The following NOX4 variants were observed in gnomAD, a reference collection of about 807,000 sequenced individuals.
NOX4 encodes NADPH oxidase 4.
A neutral mutation model predicts 87.6 loss-of-function variants in NOX4; 69 were observed. The observed-to-expected ratio is 0.79, with a 90% CI of 0.65 to 0.96. The LOEUF (loss-of-function observed/expected upper bound fraction) is 0.96, where lower values mean the gene tolerates loss of function less well. Among genes scored for constraint, NOX4 ranks in the 40% least tolerant of loss-of-function variants. NOX4 has a pLI of 0.00. For missense variants in NOX4, 680 were observed against 681.5 expected (o/e 1.00, Z 0.02); for synonymous variants, 275 against 238.2 (o/e 1.15, Z -1.42).
chr11:89,572,039 G>A, the NOX4 span, among the ~76,000 whole-genome samples: 7 of 152,066 alleles, frequency 4.6e-5, no homozygotes, highest in Non-Finnish European at 8.8e-5. Flanking sequence ...TTTTGCCTCC[G>A]CCCCCCTCAA....
intron 8 of NOX4, among the ~76,000 whole-genome samples, chr11:89,402,977 G>C (rs544163014): frequency 1.7e-4 from 26 of 152,264 alleles, no homozygotes; most frequent in African/African-American, 6.0e-4. Flanking sequence ...GCCAAGCCTG[G>C]ATAAAACAAG....
chr11:89,455,321 A>T (rs770219601), intron 2 of NOX4, among the ~76,000 whole-genome samples: 7 of 152,124 alleles, frequency 4.6e-5, no homozygotes, highest in Non-Finnish European at 8.8e-5. Context: ...GGAGAAGCAG[A>T]AGCCCCAAAG....
At chr11:89,556,548 G>T in the NOX4 span, among the ~76,000 whole-genome samples, 2 of 151,692 alleles carry the variant, frequency 1.3e-5, no homozygotes, top group African/African-American at 4.8e-5. Flanking sequence ...AGGGAGGGGA[G>T]GGGAGGGGGA....
At chr11:89,398,236 T>C (rs573597740) in intron 11 of NOX4, among the ~76,000 whole-genome samples, 240 of 152,196 alleles carry the variant, frequency 1.6e-3, no homozygotes, top group African/African-American at 5.5e-3. Context: ...TCTCAATAGA[T>C]GCAGAAAAGG....
intron 8 of NOX4, among the ~76,000 whole-genome samples, chr11:89,412,266 C>G (rs990746588): frequency 2.0e-5 from 3 of 152,110 alleles, no homozygotes; most frequent in Non-Finnish European, 4.4e-5. Context: ...ATCTTTCAGA[C>G]AGAAAATCAA....
chr11:89,517,490 CAG>C, the NOX4 span, among the ~76,000 whole-genome samples: 1 of 151,826 alleles, frequency 6.6e-6, no homozygotes, highest in Admixed American at 6.6e-5. Flanking sequence ...TTTTTAGAGA[CAG>C]GGTCTTGCTG....
upstream of NOX4, chr11:89,491,409 G>A (rs1184987900): frequency 6.4e-6 from 4 of 629,756 alleles, no homozygotes; most frequent in South Asian, 8.9e-5. Flanking sequence ...AGCCAGCCCG[G>A]GCGGGGTCTG....
intron 11 of NOX4, among the ~76,000 whole-genome samples, chr11:89,378,353 C>T (rs1206341550): frequency 6.6e-6 from 1 of 152,144 alleles, no homozygotes; most frequent in East Asian, 1.9e-4. Context: ...ATCCCAGTAA[C>T]TGTTCAAGGC....
chr11:89,482,304 T>C (rs1303245798), intron 2 of NOX4, among the ~76,000 whole-genome samples: 3 of 152,034 alleles, frequency 2.0e-5, no homozygotes, highest in African/African-American at 7.2e-5. Context: ...TTTCTCAAAA[T>C]GCATGCTTAG....
intron 4 of NOX4, among the ~76,000 whole-genome samples, chr11:89,447,370 T>C (rs1364810239): frequency 6.6e-6 from 1 of 152,118 alleles, no homozygotes; most frequent in South Asian, 2.1e-4. Flanking sequence ...AATTTGTAGG[T>C]AACAGCTATA....
intron 2 of NOX4, among the ~76,000 whole-genome samples, chr11:89,455,503 T>A (rs1376929365): frequency 6.6e-6 from 1 of 152,096 alleles, no homozygotes; most frequent in African/African-American, 2.4e-5. Context: ...CTTTGTTGAA[T>A]TGAGCTGAAT....
intron 7 of NOX4, among the ~76,000 whole-genome samples, chr11:89,423,787 G>A (rs1219405565): frequency 2.0e-5 from 3 of 151,996 alleles, no homozygotes; most frequent in Non-Finnish European, 4.4e-5. Flanking sequence ...AGGCATGGTG[G>A]CTAATGCCTG....
At chr11:89,372,009 A>G (rs1939482828) in intron 12 of NOX4, among the ~76,000 whole-genome samples, 1 of 151,804 alleles carries the variant, frequency 6.6e-6, no homozygotes, top group Admixed American at 6.6e-5. Flanking sequence ...TTTTAACTCT[A>G]TGAAATAACC....
intron 8 of NOX4, among the ~76,000 whole-genome samples, chr11:89,410,785 G>C (rs1329588401): frequency 6.6e-6 from 1 of 152,200 alleles, no homozygotes; most frequent in East Asian, 1.9e-4. Context: ...AAACTTGAAA[G>C]GCAGTCTAGG....
the NOX4 span, among the ~76,000 whole-genome samples, chr11:89,529,522 C>A: frequency 6.6e-6 from 1 of 151,974 alleles, no homozygotes; most frequent in Non-Finnish European, 1.5e-5. Flanking sequence ...CCTAGACAGC[C>A]CTAAAGCCAA....
chr11:89,526,913 G>C, the NOX4 span, among the ~76,000 whole-genome samples: 2 of 152,174 alleles, frequency 1.3e-5, no homozygotes, highest in African/African-American at 4.8e-5. Flanking sequence ...GTAACAGGCA[G>C]AGGTTGGAAC....
Position 89,449,596 on chromosome 11 carries a change from T to A in NOX4, c.265-72A>T, listed in dbSNP as rs1230864284. The stretch of plus-strand genomic sequence containing the variant: ...ATAAAAGTTTTTCAGTATAGCATTG[T>A]TCATTATGTCAAAATTTTTAAAATA... On this transcript the variant is annotated intron_variant, in intron 3 of 17. Coordinates refer to ENST00000263317, the MANE Select transcript of NOX4 (RefSeq NM_016931.5). The A allele has an allele frequency of 2.5e-6, 3 of 1,195,356 alleles. No individual in the cohort carries two copies. The East Asian group carries it at 7.2e-5, about 29-fold the overall frequency. The allele number at this position is 1,195,356 out of a possible 1,614,324, so 74.0% of individuals were successfully genotyped here. A position where few individuals can be genotyped will look rare whatever the true frequency, so the allele number is the denominator to read the frequency against.
the NOX4 span, among the ~76,000 whole-genome samples, chr11:89,518,128 T>C: frequency 1.3e-5 from 2 of 152,034 alleles, no homozygotes; most frequent in African/African-American, 4.8e-5. Context: ...TGAAAAACAT[T>C]GACATAAAAG....
chr11:89,455,728 A>ATG (rs1945167632), intron 2 of NOX4, among the ~76,000 whole-genome samples: 1 of 143,056 alleles, frequency 7.0e-6, no homozygotes, highest in Non-Finnish European at 1.5e-5. Flanking sequence ...TCATATATAT[A>ATG]TATATATATA....
Sources: gnomAD v4.1 joint callset for allele counts (sites outside exome capture counted in the v4.1 genomes callset) on GRCh38, gnomAD v4.1.1 for gene constraint, MANE v1.5 for transcripts, NCBI Gene and HGNC (gene_info 2026-07-23, HGNC 2026-07-21) for gene names.